The following ADAMTS20 variants were observed in gnomAD, a reference collection of about 807,000 sequenced individuals.
ADAMTS20 encodes A disintegrin and metalloproteinase with thrombospondin motifs 20.
A neutral mutation model predicts 260.1 loss-of-function variants in ADAMTS20; 225 were observed. The observed-to-expected ratio is 0.87, with a 90% CI of 0.78 to 0.97. The LOEUF is 0.97. Ranked by LOEUF, ADAMTS20 falls within the 50% of genes least tolerant of loss-of-function variation. ADAMTS20 has a pLI of 0.00. For missense variants in ADAMTS20, 2,400 were observed against 2,337.7 expected (o/e 1.03, Z -0.55); for synonymous variants, 802 against 769.5 (o/e 1.04, Z -0.70).
intron 7 of ADAMTS20, among the ~76,000 whole-genome samples, chr12:43,472,882 A>G (rs1942289425): frequency 6.8e-6 from 1 of 148,140 alleles, no homozygotes; most frequent in Admixed American, 6.7e-5. Context: ...CTGCAAAATC[A>G]TGCCAAAATG....
intron 3 of ADAMTS20, among the ~76,000 whole-genome samples, chr12:43,515,284 A>G (rs1942982689): frequency 6.6e-6 from 1 of 152,238 alleles, no homozygotes; most frequent in South Asian, 2.1e-4. Context: ...CAATTCAAGT[A>G]TTGATATAAT....
intron 8 of ADAMTS20, among the ~76,000 whole-genome samples, chr12:43,467,943 G>A (rs1942185168): frequency 6.6e-6 from 1 of 152,022 alleles, no homozygotes; most frequent in Non-Finnish European, 1.5e-5. Context: ...AGTTCTGAGG[G>A]GTACATTTAG....
At chr12:43,486,768 T>TG (rs1942528564) in intron 7 of ADAMTS20, among the ~76,000 whole-genome samples, 1 of 152,018 alleles carries the variant, frequency 6.6e-6, no homozygotes, top group African/African-American at 2.4e-5. Context: ...GCAAAGGACA[T>TG]GAACAGACAT....
chr12:43,551,201 A>T lies in ADAMTS20; in HGVS notation c.161T>A (p.Val54Glu), dbSNP rs1486666609. 11 of 1,613,708 alleles carry T rather than the reference A, an allele frequency of 6.8e-6. No individual in the cohort carries two copies. Among genetic ancestry groups the T allele is most frequent in the Non-Finnish European group, 9.3e-6 (11 of 1,179,878 alleles). ...GCTGAAGTGGTGGCTCTGAGGGAAC[A>T]CTTCTCCAAACTCATTGACCCGCTC... ...IPERVNEFGE[V>E]FPQSHHFSRQ... Residue 54 changes from valine (V) to glutamate (E), a missense_variant, in exon 2 of 39, where the codon GTG (valine) becomes GAG (glutamate). By Grantham distance (121) the Val-to-Glu change is moderately radical (BLOSUM62 -2). Coordinates refer to ENST00000389420, the MANE Select transcript of ADAMTS20 (RefSeq NM_025003.5). The surrounding 1 kb of genome is among the most constrained non-coding windows in gnomAD (Gnocchi z 4.6).
At chr12:43,376,193 A>C (rs1403686174) in intron 34 of ADAMTS20, 43 bp downstream of exon 34, 1 of 1,547,880 alleles carries the variant, frequency 6.5e-7, no homozygotes, top group Non-Finnish European at 8.7e-7. Context: ...TTCCAAAGTC[A>C]ATGATCAATG....
intron 37 of ADAMTS20, 148 bp downstream of exon 37, chr12:43,369,142 C>G: frequency 2.3e-6 from 1 of 441,020 alleles, no homozygotes; most frequent in South Asian, 7.7e-5. Flanking sequence ...CAAAGGTTAT[C>G]TATAACCTTT....
intron 3 of ADAMTS20, among the ~76,000 whole-genome samples, chr12:43,506,137 AAACAAC>A (rs374372258): frequency 7.6e-6 from 1 of 131,388 alleles, no homozygotes; most frequent in Non-Finnish European, 1.7e-5. Context: ...AAACAAACAA[AAACAAC>A]AACAACAACA....
chr12:43,459,590 C>T (rs187942442), intron 11 of ADAMTS20, among the ~76,000 whole-genome samples: 74 of 152,344 alleles, frequency 4.9e-4, no homozygotes, highest in Admixed American at 1.4e-3. Flanking sequence ...GTTTTGTTAA[C>T]TCATGTATCC....
At chr12:43,532,603 T>C (rs1592113597) in intron 2 of ADAMTS20, among the ~76,000 whole-genome samples, 1 of 134,790 alleles carries the variant, frequency 7.4e-6, no homozygotes, top group African/African-American at 2.8e-5. Flanking sequence ...GTGCACATTG[T>C]GCAGGTTAGT....
At chr12:43,526,122 G>A (rs1606009) in intron 3 of ADAMTS20, among the ~76,000 whole-genome samples, 14,298 of 152,136 alleles carry the variant, frequency 0.094, 806 homozygotes, top group Middle Eastern at 0.12. Context: ...TAGACCATAT[G>A]GTAGGCCACA....
chr12:43,361,998 CA>C (rs1939878337), intron 37 of ADAMTS20, among the ~76,000 whole-genome samples: 1 of 152,120 alleles, frequency 6.6e-6, no homozygotes, highest in Non-Finnish European at 1.5e-5. Context: ...TCCAAAGTAA[CA>C]ACATTTGTTA....
At position 43,551,899 on chromosome 12, in the gene ADAMTS20, G is replaced by A; in HGVS notation, c.23C>T (p.Thr8Ile). ...GAGCGAGAGATGGTAGAGCAGCCCAGTCAGCCACTTGGCCACCCACATGGT... is the reference window on the plus strand; with the variant it reads ...GAGCGAGAGATGGTAGAGCAGCCCAATCAGCCACTTGGCCACCCACATGGT... The part of the protein sequence containing the change: MWVAKWL[T>I]GLLYHLSLFI... The change falls in exon 1 of 39, where the codon ACT (threonine) becomes ATT (isoleucine). Residue 8 changes from threonine (T) to isoleucine (I), a missense_variant. By Grantham distance (89) the Thr-to-Ile change is moderately conservative. Coordinates refer to ENST00000389420, the MANE Select transcript of ADAMTS20 (RefSeq NM_025003.5). This position sits in a 1 kb window ranked among gnomAD's most constrained non-coding sequence, Gnocchi z 4.6. 6.2e-7 allele frequency: 1 copy of A among 1,613,694 alleles called. No individual in the cohort carries two copies. Among genetic ancestry groups the A allele is most frequent in the Non-Finnish European group, 8.5e-7 (1 of 1,179,734 alleles).
intron 3 of ADAMTS20, among the ~76,000 whole-genome samples, chr12:43,508,035 G>A (rs1942870727): frequency 6.6e-6 from 1 of 152,048 alleles, no homozygotes; most frequent in African/African-American, 2.4e-5. Flanking sequence ...AATAATTATT[G>A]GGTACTGGGC....
At chr12:43,472,066 G>T (rs1592086925) in intron 7 of ADAMTS20, among the ~76,000 whole-genome samples, 1 of 151,840 alleles carries the variant, frequency 6.6e-6, no homozygotes, top group Admixed American at 6.6e-5. Context: ...CAAACCAAAG[G>T]CAGAGAAGTT....
At chr12:43,463,630 T>C (rs1942103712) in intron 10 of ADAMTS20, among the ~76,000 whole-genome samples, 1 of 152,280 alleles carries the variant, frequency 6.6e-6, no homozygotes, top group East Asian at 1.9e-4. Context: ...AGGTAAATCT[T>C]CCCCATTTCA....
In ADAMTS20 at chr12:43,452,519, C is replaced by T. The variant is rs143369718; in HGVS notation, c.1937G>A (p.Ser646Asn). 3 of 1,611,304 alleles carry T rather than the reference C, an allele frequency of 1.9e-6. No individual in the cohort carries two copies. Among genetic ancestry groups the T allele is most frequent in the South Asian group, 1.1e-5 (1 of 90,832 alleles). The part of the protein sequence containing the change: ...PSNVRWLPRY[S>N]GIGTKDRCKL... ...AACCAGCATAATTTACTTACTGCCA[C>T]TGTATCTTGGAAGCCACCTCACATT... is the stretch of plus-strand genomic sequence containing the variant. Residue 646 changes from serine to asparagine, a missense_variant, in exon 13 of 39, where the codon AGT becomes AAT. By Grantham distance (46) the Ser-to-Asn change is conservative. Transcript: ENST00000389420.
chr12:43,464,040 A>T (rs1300646810), intron 10 of ADAMTS20, among the ~76,000 whole-genome samples: 1 of 152,184 alleles, frequency 6.6e-6, no homozygotes, highest in Non-Finnish European at 1.5e-5. Flanking sequence ...AATCATAATT[A>T]TAGATCTAAT....
intron 28 of ADAMTS20, among the ~76,000 whole-genome samples, chr12:43,401,969 CCTAGA>C (rs1360062749): frequency 1.3e-5 from 2 of 151,916 alleles, no homozygotes; most frequent in African/African-American, 2.4e-5. Context: ...ATTTTCTTTA[CCTAGA>C]CTAATCACTT....
chr12:43,551,011 C>G lies in ADAMTS20; in HGVS notation c.351G>C (p.Trp117Cys), dbSNP rs373528285. The G allele has an allele frequency of 1.2e-6, 2 of 1,613,512 alleles. No homozygotes were observed. Among genetic ancestry groups the G allele is most frequent in the African/African-American group, 2.7e-5 (2 of 74,916 alleles). The change falls in exon 2 of 39, where the codon TGG (tryptophan) becomes TGC (cysteine). Residue 117 changes from tryptophan (W) to cysteine (C), a missense_variant. Coordinates refer to ENST00000389420, the MANE Select transcript of ADAMTS20 (RefSeq NM_025003.5). This position sits in a 1 kb window ranked among gnomAD's most constrained non-coding sequence, Gnocchi z 4.6. ...VHLGTPERGA[W>C]ESDAGPSDLR... ...GGTCCGAGGGCCCTGCGTCGCTCTC[C>G]CAGGCCCCGCGCTCCGGGGTTCCCA...
Sources: gnomAD v4.1 joint callset for allele counts (sites outside exome capture counted in the v4.1 genomes callset) on GRCh38, gnomAD v4.1.1 for gene constraint, Gnocchi (gnomAD v3.1) non-coding constraint, MANE v1.5 for transcripts, NCBI Gene and HGNC (gene_info 2026-07-23, HGNC 2026-07-21) for gene names.